The following ERC2 variants were observed in gnomAD, a reference collection of about 807,000 sequenced individuals.
ERC2 encodes ERC protein 2.
A neutral mutation model predicts 114.8 loss-of-function variants in ERC2; 42 were observed. The ratio of observed to expected loss-of-function variants is 0.37; its 90% CI spans 0.29 to 0.47. The LOEUF is 0.47. ERC2 is among the 20% of genes least tolerant of loss of function. The pLI, the probability that ERC2 is intolerant of heterozygous loss-of-function variation, is 0.99. For missense variants in ERC2, 939 were observed against 1,150.7 expected, an observed-to-expected ratio of 0.82 and a Z score of 2.66; for synonymous variants, 454 against 425.5, an observed-to-expected ratio of 1.07 and a Z score of -0.82.
chr3:56,350,547 G>A (rs573280247), intron 2 of ERC2, among the ~76,000 whole-genome samples: 2 of 151,562 alleles, frequency 1.3e-5, no homozygotes, highest in African/African-American at 4.9e-5. Context: ...ACTTGGAAAA[G>A]AAGAGGATAT....
At chr3:56,085,038 A>G (rs992531409) in intron 6 of ERC2, among the ~76,000 whole-genome samples, 4 of 152,132 alleles carry the variant, frequency 2.6e-5, no homozygotes, top group African/African-American at 7.2e-5. Flanking sequence ...CCAGCCTTTC[A>G]GCCTCAGTTT....
chr3:55,652,670 G>A lies in ERC2; in HGVS notation c.*39+31124C>T, dbSNP rs1274011001. On this transcript the variant is annotated intron_variant, in intron 17 of 17. Transcript: ENST00000288221. ...AGGTGGATCATAAGGTCATGAGTTC[G>A]AGACCAACCTGGCCAACATAGTGAA... 3.9e-5 allele frequency among the ~76,000 whole-genome samples: 6 copies of A among 151,940 alleles called. No homozygotes were observed. In the East Asian group the frequency reaches 5.8e-4, roughly 15 times the overall value.
At chr3:56,114,239 C>T (rs907684163) in intron 6 of ERC2, among the ~76,000 whole-genome samples, 1 of 152,138 alleles carries the variant, frequency 6.6e-6, no homozygotes, top group Non-Finnish European at 1.5e-5. Flanking sequence ...TAAAATTAAG[C>T]TCTATATGTT....
intron 3 of ERC2, among the ~76,000 whole-genome samples, chr3:56,202,957 C>T (rs939380558): frequency 3.9e-5 from 6 of 152,206 alleles, no homozygotes; most frequent in Admixed American, 2.0e-4. Context: ...CAAGCCTTTG[C>T]TATTAACTTC....
At chr3:56,221,081 C>A (rs2049873202) in intron 3 of ERC2, among the ~76,000 whole-genome samples, 1 of 151,940 alleles carries the variant, frequency 6.6e-6, no homozygotes, top group African/African-American at 2.4e-5. Flanking sequence ...TGATAGAAGT[C>A]ACACACATAA....
chr3:55,947,382 T>C (rs1278579068), intron 13 of ERC2, among the ~76,000 whole-genome samples: 2 of 152,234 alleles, frequency 1.3e-5, no homozygotes, highest in East Asian at 1.9e-4. Flanking sequence ...GACTGAATGA[T>C]TGGCCTCAGT....
intron 3 of ERC2, among the ~76,000 whole-genome samples, chr3:56,201,003 C>G (rs1208412109): frequency 6.6e-6 from 1 of 152,176 alleles, no homozygotes; most frequent in Non-Finnish European, 1.5e-5. Context: ...TGCTAAGTAC[C>G]TTACTCATGT....
chr3:56,282,230 T>G (rs1363834235), intron 3 of ERC2, among the ~76,000 whole-genome samples: 1 of 152,184 alleles, frequency 6.6e-6, no homozygotes, highest in Admixed American at 6.5e-5. Context: ...GAACAGCTAC[T>G]AGAAATATGA....
At chr3:55,946,081 T>TAACAATAA (rs1553746030) in intron 13 of ERC2, among the ~76,000 whole-genome samples, 2 of 148,624 alleles carry the variant, frequency 1.3e-5, no homozygotes, top group African/African-American at 2.5e-5. Flanking sequence ...AAAAAATAAA[T>TAACAATAA]AAAAATAAAA....
intron 17 of ERC2, among the ~76,000 whole-genome samples, chr3:55,602,866 T>G (rs955218153): frequency 2.6e-5 from 4 of 152,212 alleles, no homozygotes; most frequent in African/African-American, 4.8e-5. Flanking sequence ...GTTTCTGTAC[T>G]CATCCTTCAG....
intron 1 of ERC2, among the ~76,000 whole-genome samples, chr3:56,463,067 A>G (rs527518279): frequency 3.9e-5 from 6 of 152,142 alleles, no homozygotes; most frequent in Non-Finnish European, 7.3e-5. Flanking sequence ...TCTTTACAAA[A>G]GTATACAAAA....
intron 2 of ERC2, among the ~76,000 whole-genome samples, chr3:56,403,716 C>G (rs756526406): frequency 3.3e-5 from 5 of 152,188 alleles, no homozygotes; most frequent in Non-Finnish European, 5.9e-5. Context: ...TCTGAGGTCA[C>G]TTATCAAATG....
chr3:56,263,841 A>C (rs2053108840), intron 3 of ERC2, among the ~76,000 whole-genome samples: 1 of 152,168 alleles, frequency 6.6e-6, no homozygotes, highest in Admixed American at 6.5e-5. Flanking sequence ...ACCAAAGCCC[A>C]AAAAAGGCAC....
chr3:56,018,999 T>C lies in ERC2; in HGVS notation c.1674A>G (p.Lys558=). 1 of 1,612,642 alleles carries C rather than the reference T, an allele frequency of 6.2e-7. No homozygotes were observed. The highest frequency in any genetic ancestry group is 8.5e-7 in the Non-Finnish European group (1 of 1,179,200). ...CTTTCAGGTTGGTCAGTTGCTTGTC[T>C]TTATCCCTAAGTTGTTCTTGCAAGT... ...IENLQEQLRD[K]DKQLTNLKDR... The change falls in exon 8 of 18, where the codon AAA becomes AAG. Residue 558 remains lysine, a synonymous_variant. Transcript: ENST00000288221.
chr3:56,028,727 TC>T (rs2074199286), intron 7 of ERC2, among the ~76,000 whole-genome samples: 2 of 152,072 alleles, frequency 1.3e-5, no homozygotes, highest in Non-Finnish European at 2.9e-5. Context: ...TCATTTTTTG[TC>T]CCTTTTTAAA....
intron 17 of ERC2, among the ~76,000 whole-genome samples, chr3:55,513,224 C>G (rs2052224192): frequency 6.6e-6 from 1 of 152,224 alleles, no homozygotes; most frequent in African/African-American, 2.4e-5. Flanking sequence ...TGTTTACAAC[C>G]CTGTTTATAA....
At chr3:56,206,318 G>C (rs1046754849) in intron 3 of ERC2, among the ~76,000 whole-genome samples, 21 of 152,042 alleles carry the variant, frequency 1.4e-4, no homozygotes, top group Non-Finnish European at 2.9e-5. Context: ...ATTTATTCCA[G>C]ACATTTTCAT....
At chr3:55,832,732 C>T (rs2060663613) in intron 14 of ERC2, among the ~76,000 whole-genome samples, 1 of 152,224 alleles carries the variant, frequency 6.6e-6, no homozygotes, top group Non-Finnish European at 1.5e-5. Context: ...CAGTTCCTCA[C>T]CAGCAACGGA....
At chr3:56,053,678 T>G (rs2075873014) in intron 7 of ERC2, among the ~76,000 whole-genome samples, 2 of 152,112 alleles carry the variant, frequency 1.3e-5, no homozygotes, top group African/African-American at 4.8e-5. Context: ...ATGGGCATAA[T>G]AGCTGCCCCG....
Sources: allele counts gnomAD v4.1 joint callset (sites outside exome capture counted in the v4.1 genomes callset), GRCh38; gene constraint gnomAD v4.1.1; transcripts MANE v1.5; gene names NCBI Gene and HGNC (gene_info 2026-07-23, HGNC 2026-07-21).